The following CACNA2D3 variants were observed in gnomAD, a reference collection of about 807,000 sequenced individuals.
CACNA2D3 encodes the protein calcium voltage-gated channel auxiliary subunit alpha2delta 3, also known as voltage-dependent calcium channel subunit alpha-2/delta-3.
Under a neutral mutation model 160.6 loss-of-function variants are expected in CACNA2D3, and 60 were observed. That is an observed-to-expected ratio of 0.37 (90% CI 0.30 to 0.46). The LOEUF (loss-of-function observed/expected upper bound fraction) is 0.46. Ranked by LOEUF, CACNA2D3 falls within the 20% of genes least tolerant of loss-of-function variation. The probability of loss-of-function intolerance (pLI) is 1.00; values close to 1 mark genes in which losing one functional copy is unlikely to be tolerated. For missense variants in CACNA2D3, 1,205 were observed against 1,365.0 expected, an observed-to-expected ratio of 0.88 and a Z score of 1.85; for synonymous variants, 558 against 492.9, an observed-to-expected ratio of 1.13 and a Z score of -1.75.
chr3:54,128,206 C>A (rs1287201339), intron 2 of CACNA2D3, among the ~76,000 whole-genome samples: 2 of 152,160 alleles, frequency 1.3e-5, no homozygotes, highest in African/African-American at 4.8e-5. Flanking sequence ...TAGGCAAACA[C>A]ATGAATACCA....
intron 6 of CACNA2D3, among the ~76,000 whole-genome samples, chr3:54,566,212 G>T (rs1253215416): frequency 6.6e-6 from 1 of 152,140 alleles, no homozygotes; most frequent in East Asian, 1.9e-4. Context: ...TGTTCTCATT[G>T]ATCCCTCTCC....
At chr3:54,293,452 G>A (rs1703256351) in intron 2 of CACNA2D3, among the ~76,000 whole-genome samples, 1 of 152,040 alleles carries the variant, frequency 6.6e-6, no homozygotes, top group African/African-American at 2.4e-5. Context: ...ACATAATGAT[G>A]TTTGGTTTTC....
In CACNA2D3 at chr3:54,803,530, A is replaced by T. The variant is rs555641072; in HGVS notation, c.1381-13323A>T. Among the ~76,000 whole-genome samples the T allele has an allele frequency of 2.0e-5, 3 of 152,204 alleles. No individual in the cohort carries two copies. The South Asian group carries it at 6.2e-4, about 32-fold the overall frequency. The stretch of plus-strand genomic sequence containing the variant: ...AAAAAGAATAAAAAGAAACGAACAA[A>T]GCCTCCAAGAAATATGGGACTATGT... On this transcript the variant is annotated intron_variant, in intron 13 of 37. Transcript: ENST00000474759.
chr3:54,281,208 G>C (rs1250544472), intron 2 of CACNA2D3, among the ~76,000 whole-genome samples: 1 of 152,186 alleles, frequency 6.6e-6, no homozygotes, highest in African/African-American at 2.4e-5. Context: ...GGCATAAGGC[G>C]ATGTTGAGCA....
chr3:54,221,841 T>C (rs1402725033), intron 2 of CACNA2D3, among the ~76,000 whole-genome samples: 2 of 152,222 alleles, frequency 1.3e-5, no homozygotes, highest in Non-Finnish European at 2.9e-5. Flanking sequence ...CTTTTTATTT[T>C]TTTTTCTGAA....
intron 11 of CACNA2D3, among the ~76,000 whole-genome samples, chr3:54,681,180 T>C (rs1041379080): frequency 6.6e-5 from 10 of 151,694 alleles, no homozygotes; most frequent in African/African-American, 2.4e-4. Flanking sequence ...CTCTGACTTG[T>C]GACCATATCT....
At chr3:54,625,731 C>T (rs1433601047) in intron 9 of CACNA2D3, among the ~76,000 whole-genome samples, 2 of 152,154 alleles carry the variant, frequency 1.3e-5, no homozygotes, top group East Asian at 3.9e-4. Flanking sequence ...CACACTGGCA[C>T]CATCTTGCCA....
chr3:54,268,046 C>T (rs968325331), intron 2 of CACNA2D3, among the ~76,000 whole-genome samples: 2 of 152,082 alleles, frequency 1.3e-5, no homozygotes, highest in African/African-American at 4.8e-5. Context: ...TGGTCTGAAA[C>T]CTATGGTTGG....
At chr3:54,462,465 TG>T (rs766500515) in intron 4 of CACNA2D3, among the ~76,000 whole-genome samples, 82 of 152,216 alleles carry the variant, frequency 5.4e-4, no homozygotes, top group Admixed American at 9.2e-4. Context: ...GCTCCTGTAT[TG>T]GGGGCATATA....
chr3:54,133,972 C>A (rs189710279), intron 2 of CACNA2D3, among the ~76,000 whole-genome samples: 1 of 152,174 alleles, frequency 6.6e-6, no homozygotes. Context: ...AGGCATGTGA[C>A]GGTCTTAGCA....
chr3:54,240,100 C>T (rs1246091144), intron 2 of CACNA2D3, among the ~76,000 whole-genome samples: 2 of 152,106 alleles, frequency 1.3e-5, no homozygotes, highest in African/African-American at 4.8e-5. Flanking sequence ...ATGACAACAG[C>T]GTCTGGGGTG....
intron 2 of CACNA2D3, among the ~76,000 whole-genome samples, chr3:54,266,655 C>CTAG (rs1251817696): frequency 6.6e-6 from 1 of 152,170 alleles, no homozygotes; most frequent in African/African-American, 2.4e-5. Context: ...CAGTAGCAGC[C>CTAG]TAGTCCATGC....
intron 16 of CACNA2D3, among the ~76,000 whole-genome samples, chr3:54,846,039 T>TA (rs1698924260): frequency 6.6e-6 from 1 of 152,128 alleles, no homozygotes. Context: ...CCTCCATTGA[T>TA]AAAGTTCTGT....
intron 11 of CACNA2D3, among the ~76,000 whole-genome samples, chr3:54,724,856 AC>A (rs1701245992): frequency 6.6e-6 from 1 of 152,228 alleles, no homozygotes; most frequent in Non-Finnish European, 1.5e-5. Context: ...TCAAAATTGA[AC>A]TAGAGAAGCA....
intron 35 of CACNA2D3, among the ~76,000 whole-genome samples, chr3:55,051,358 C>T (rs958817631): frequency 1.3e-5 from 2 of 150,296 alleles, no homozygotes; most frequent in Non-Finnish European, 2.9e-5. Flanking sequence ...TTGGAATACC[C>T]TACCGTGTGA....
chr3:54,519,161 T>C (rs2106983890), intron 5 of CACNA2D3, among the ~76,000 whole-genome samples: 1 of 27,084 alleles, frequency 3.7e-5, no homozygotes, highest in East Asian at 1.4e-3. Context: ...ACCTGTGAAA[T>C]CTGCCATGTG....
chr3:54,284,338 C>T (rs907126567), intron 2 of CACNA2D3, among the ~76,000 whole-genome samples: 1 of 151,032 alleles, frequency 6.6e-6, no homozygotes, highest in African/African-American at 2.4e-5. Flanking sequence ...AAGTTTTGTA[C>T]TGATGTTAAT....
intron 5 of CACNA2D3, among the ~76,000 whole-genome samples, chr3:54,524,056 G>T (rs1255030062): frequency 6.6e-6 from 1 of 150,866 alleles, no homozygotes; most frequent in Non-Finnish European, 1.5e-5. Flanking sequence ...GCTTTACTTT[G>T]TTGTTCTTTT....
intron 31 of CACNA2D3, among the ~76,000 whole-genome samples, chr3:54,997,499 C>T (rs1702884187): frequency 1.3e-5 from 2 of 151,886 alleles, no homozygotes; most frequent in Non-Finnish European, 2.9e-5. Flanking sequence ...CTCAGGAGTT[C>T]GAGACCAGCT....
Sources: gnomAD v4.1 joint callset for allele counts (sites outside exome capture counted in the v4.1 genomes callset) on GRCh38, gnomAD v4.1.1 for gene constraint, MANE v1.5 for transcripts, NCBI Gene and HGNC (gene_info 2026-07-23, HGNC 2026-07-21) for gene names.